Variants in CSF2RA observed in about 807,000 individuals in gnomAD.
CSF2RA encodes granulocyte-macrophage colony-stimulating factor receptor subunit alpha.
Under a neutral mutation model 51.6 loss-of-function variants are expected in CSF2RA, and 42 were observed. That is an observed-to-expected ratio of 0.81 (90% CI 0.64 to 1.05). The LOEUF (loss-of-function observed/expected upper bound fraction) is 1.05, where lower values mean the gene tolerates loss of function less well. Ranked by LOEUF, CSF2RA falls within the 50% of genes least tolerant of loss-of-function variation. CSF2RA has a pLI of 0.00. For missense variants in CSF2RA, 530 were observed against 501.1 expected, an observed-to-expected ratio of 1.06 and a Z score of -0.55; for synonymous variants, 222 against 193.0, an observed-to-expected ratio of 1.15 and a Z score of -1.24.
chrX:1,313,786 C>G (rs1309189463), downstream of CSF2RA, among the ~76,000 whole-genome samples: 6 of 151,772 alleles, frequency 4.0e-5, no homozygotes, highest in African/African-American at 1.5e-4. Context: ...GTCAGGAGTC[C>G]GAGACCAGCC....
At chrX:1,294,247 A>G in intron 7 of CSF2RA, 81 bp from the exon 8 acceptor site, 12 of 1,549,500 alleles carry the variant, frequency 7.7e-6, no homozygotes, top group Non-Finnish European at 1.1e-5. Flanking sequence ...AGACAGGAGG[A>G]GACTCTGCAC....
intron 10 of CSF2RA, among the ~76,000 whole-genome samples, chrX:1,301,044 T>G (rs1168004180): frequency 6.6e-6 from 1 of 151,236 alleles, no homozygotes; most frequent in Non-Finnish European, 1.5e-5. Context: ...TCCCAGCTAC[T>G]CGGGAGGCTG....
At chrX:1,282,898 C>G (rs2090205724) in intron 3 of CSF2RA, 119 bp downstream of exon 3, 1 of 891,386 alleles carries the variant, frequency 1.1e-6, no homozygotes, top group Non-Finnish European at 1.9e-6. Context: ...TATGAGGGAC[C>G]CAATAAGCAC....
intron 8 of CSF2RA, among the ~76,000 whole-genome samples, 164 bp downstream of exon 8, chrX:1,294,625 G>A (rs1444575277): frequency 6.6e-6 from 1 of 152,158 alleles, no homozygotes; most frequent in Non-Finnish European, 1.5e-5. Context: ...AAGAGGTGAA[G>A]GGTCTGTGGC....
intron 12 of CSF2RA, 190 bp downstream of exon 12, chrX:1,305,717 G>T: frequency 6.4e-7 from 1 of 1,554,552 alleles, no homozygotes; most frequent in Non-Finnish European, 8.7e-7. Context: ...CAAGGTTGGG[G>T]TCAGAGTCAT....
chrX:1,321,711 G>A, the CSF2RA span, among the ~76,000 whole-genome samples: 1 of 152,172 alleles, frequency 6.6e-6, no homozygotes, highest in Non-Finnish European at 1.5e-5. Context: ...AGACCATTGT[G>A]TATTGTAGGC....
At chrX:1,313,887 A>G (rs1391512740), downstream of CSF2RA, among the ~76,000 whole-genome samples, 3 of 151,994 alleles carry the variant, frequency 2.0e-5, no homozygotes, top group Admixed American at 2.0e-4. Flanking sequence ...TGTACTCAGG[A>G]GGCTGAGGCA....
chrX:1,310,670 A>C (rs1441756244), downstream of CSF2RA, among the ~76,000 whole-genome samples: 3 of 60,414 alleles, frequency 5.0e-5, no homozygotes, highest in Non-Finnish European at 8.6e-5. Flanking sequence ...TCCATCTCAA[A>C]AAAAAAAAAA....
chrX:1,298,528 C>T lies in CSF2RA; in HGVS notation c.811-1963C>T, dbSNP rs1170748187. On this transcript the variant is annotated intron_variant, in intron 9 of 12. Transcript: ENST00000381529. ...CCCCTATTCAGGAGCCGTAGTGTGA[C>T]CCTACAATCCCCTACTCACAACCCC... Among the ~76,000 whole-genome samples, 4 of 118,574 alleles carry T rather than the reference C, an allele frequency of 3.4e-5. No individual in the cohort carries two copies. The East Asian group carries it at 9.9e-4, about 29-fold the overall frequency. The allele number at this position is 118,574 out of a possible 152,430, so 77.8% of individuals were successfully genotyped here.
chrX:1,300,620 G>A lies in CSF2RA; in HGVS notation c.940G>A (p.Glu314Lys), dbSNP rs746550319. ...LNWSSWSEAI[E>K]FGSDDGNLGS... Reference sequence around the variant, plus strand: ...TTGGAGCTCCTGGAGTGAAGCCATTGAATTTGGTAAGCGTTGGGCGGAGGT... The same window carrying A: ...TTGGAGCTCCTGGAGTGAAGCCATTAAATTTGGTAAGCGTTGGGCGGAGGT... The change falls in exon 10 of 13, where the codon GAA (glutamate) becomes AAA (lysine). Residue 314 changes from glutamate (E) to lysine (K), a missense_variant. Coordinates refer to ENST00000381529, the MANE Select transcript of CSF2RA (RefSeq NM_172245.4). 1.6e-5 allele frequency: 26 copies of A among 1,613,826 alleles called. No individual in the cohort carries two copies. Among genetic ancestry groups the A allele is most frequent in the Non-Finnish European group, 1.9e-5 (22 of 1,179,874 alleles).
intron 1 of CSF2RA, among the ~76,000 whole-genome samples, chrX:1,273,743 G>C (rs2088766336): frequency 9.8e-6 from 1 of 102,244 alleles, no homozygotes; most frequent in Non-Finnish European, 1.9e-5. Context: ...ACCACGCCCA[G>C]CTAATTTTTT....
rs769769407 is a variant in CSF2RA at position 1,308,503 on chromosome X, C to T, written c.1126-899C>T. On this transcript the variant is annotated intron_variant, in intron 12 of 12. Transcript: ENST00000381529. ...TTGCGTGACCCACATCCCAAGACCC[C>T]GTGGGTGGCCCTCTCCCACCCACCT... Among the ~76,000 whole-genome samples, 12 of 152,098 alleles carry T rather than the reference C, an allele frequency of 7.9e-5. No homozygotes were observed. The South Asian group carries it at 8.3e-4, about 11-fold the overall frequency.
intron 1 of CSF2RA, among the ~76,000 whole-genome samples, chrX:1,273,192 C>G (rs1416730841): frequency 1.3e-5 from 2 of 152,036 alleles, no homozygotes; most frequent in Non-Finnish European, 2.9e-5. Context: ...ACCATAAATT[C>G]TCATCAAATG....
intron 4 of CSF2RA, among the ~76,000 whole-genome samples, chrX:1,287,744 C>CT (rs1178100946): frequency 8.0e-6 from 1 of 124,250 alleles, no homozygotes; most frequent in South Asian, 2.7e-4. Context: ...ATGTCCGACC[C>CT]TTTTTTTGGG....
chrX:1,287,656 C>G (rs1224990790), intron 4 of CSF2RA, among the ~76,000 whole-genome samples: 3 of 140,612 alleles, frequency 2.1e-5, no homozygotes, highest in African/African-American at 8.1e-5. Context: ...GTTGGCCAGG[C>G]TGATCTTGAA....
At chrX:1,320,094 A>G in the CSF2RA span, among the ~76,000 whole-genome samples, 3 of 151,710 alleles carry the variant, frequency 2.0e-5, no homozygotes, top group African/African-American at 7.3e-5. Flanking sequence ...ACGGGATTTC[A>G]CCATGTTAGC....
intron 9 of CSF2RA, among the ~76,000 whole-genome samples, chrX:1,297,076 C>T (rs2092012509): frequency 3.0e-5 from 2 of 66,568 alleles, no homozygotes; most frequent in Admixed American, 2.8e-4. Flanking sequence ...CTTTCCTACC[C>T]ATGACCCCTG....
Position 1,285,854 on chromosome X carries a change from C to A in CSF2RA, c.153C>A (p.Cys51Ter). Residue 51 changes from cysteine (C) to a stop codon, truncating the protein, a stop_gained, in exon 4 of 13, where the codon TGC becomes TGA. Coordinates refer to ENST00000381529, the MANE Select transcript of CSF2RA (RefSeq NM_172245.4). LOFTEE classifies it high-confidence loss of function. ...GGACGATGAATTTAAGCTGGGACTGCCAAGAAAACACAACCTTCAGCAAGT... is the reference window on the plus strand; with the variant it reads ...GGACGATGAATTTAAGCTGGGACTGACAAGAAAACACAACCTTCAGCAAGT... ...DSRTMNLSWD[C>*]QENTTFSKCF... 1 of 1,613,882 alleles carries A rather than the reference C, an allele frequency of 6.2e-7. No individual in the cohort carries two copies. Among genetic ancestry groups the A allele is most frequent in the Non-Finnish European group, 8.5e-7 (1 of 1,179,854 alleles).
chrX:1,322,131 T>C, the CSF2RA span, among the ~76,000 whole-genome samples: 1 of 151,784 alleles, frequency 6.6e-6, no homozygotes, highest in Non-Finnish European at 1.5e-5. Flanking sequence ...TTTGAGACAG[T>C]GTCTCACTCT....
Sources: gnomAD v4.1 joint callset for allele counts (sites outside exome capture counted in the v4.1 genomes callset) on GRCh38, gnomAD v4.1.1 for gene constraint, MANE v1.5 for transcripts, NCBI Gene and HGNC (gene_info 2026-07-23, HGNC 2026-07-21) for gene names.